Variants in CPNE1 observed in about 807,000 individuals in gnomAD.
CPNE1 encodes the protein copine 1.
In CPNE1, 58 loss-of-function variants were observed where a neutral mutation model predicts 63.2. The ratio of observed to expected loss-of-function variants is 0.92; its 90% CI spans 0.74 to 1.14. The LOEUF is 1.14. Ranked by LOEUF, CPNE1 falls within the 50% of genes most tolerant of loss-of-function variation. The probability of loss-of-function intolerance (pLI) is 0.00; values close to 1 mark genes in which losing one functional copy is unlikely to be tolerated. For synonymous variants in CPNE1, 237 were observed against 249.0 expected, an observed-to-expected ratio of 0.95 and a Z score of 0.45; for missense variants, 672 against 661.7, an observed-to-expected ratio of 1.02 and a Z score of -0.17.
chr20:35,661,122 C>T (rs1033370006), intron 1 of CPNE1, among the ~76,000 whole-genome samples: 9 of 152,206 alleles, frequency 5.9e-5, no homozygotes. Context: ...CCCACCCCAC[C>T]CCATACCAAG....
chr20:35,653,422 T>C lies in CPNE1; in HGVS notation c.-1+11338A>G, dbSNP rs778712727. 66 of 1,613,980 alleles carry C rather than the reference T, an allele frequency of 4.1e-5. No individual in the cohort carries two copies. The highest frequency in any genetic ancestry group is 2.3e-5 in the Non-Finnish European group (27 of 1,180,018). ...AGGCATCTTTAATCCCTTTTTTCCT[T>C]GGGCAGGGGGATTTTTCTCAATCTC... On this transcript the variant is annotated intron_variant, in intron 1 of 15. Transcript: ENST00000397443.
chr20:35,659,094 A>C, intron 1 of CPNE1: 1 of 585,082 alleles, frequency 1.7e-6, no homozygotes, highest in Non-Finnish European at 3.1e-6. Flanking sequence ...GTACATTACG[A>C]AGGCGAGTCT....
intron 1 of CPNE1, among the ~76,000 whole-genome samples, chr20:35,641,951 T>C (rs1361870385): frequency 6.6e-6 from 1 of 152,238 alleles, no homozygotes; most frequent in Non-Finnish European, 1.5e-5. Flanking sequence ...CAGGAAATCG[T>C]TGAAGCAGGT....
chr20:35,662,837 G>A (rs1265879699), intron 1 of CPNE1, among the ~76,000 whole-genome samples: 6 of 152,088 alleles, frequency 3.9e-5, no homozygotes, highest in African/African-American at 9.7e-5. Flanking sequence ...AGCCCAAAGA[G>A]TACTGGTATT....
chr20:35,631,914 C>G, intron 6 of CPNE1, 31 bp downstream of exon 6: 1 of 1,600,608 alleles, frequency 6.2e-7, no homozygotes, highest in Middle Eastern at 1.7e-4. Flanking sequence ...TATCTCCTAC[C>G]CCAGCCCACC....
At position 35,627,388 on chromosome 20, in the gene CPNE1, G is replaced by A. The variant is rs2146274529; in HGVS notation, c.1128C>T (p.Tyr376=). ...CAGIQGIVDA[Y]RQALPQVRLY... ...GGCGAACTTGGGGCAGGGCTTGGCG[G>A]TAGGCATCCACAATGCCCTGGATGC... The change falls in exon 14 of 16, where the codon TAC becomes TAT. Residue 376 remains tyrosine, a synonymous_variant. Transcript: ENST00000397443. The A allele has an allele frequency of 6.2e-7, 1 of 1,614,006 alleles. No individual in the cohort carries two copies. Among genetic ancestry groups the A allele is most frequent in the Non-Finnish European group, 8.5e-7 (1 of 1,179,992 alleles).
At position 35,632,204 on chromosome 20, in the gene CPNE1, C is replaced by T. The variant is rs755743263; in HGVS notation, c.415G>A (p.Val139Ile). ...VSAQELKDNR[V>I]VTMEVEARNL... ...CTGGCCTCTACCTCCATGGTTACTA[C>T]ACGATTGTCCTTTAATTCCTGAGCT... is the stretch of plus-strand genomic sequence containing the variant. Residue 139 changes from valine to isoleucine, a missense_variant, in exon 5 of 16, where the codon GTA becomes ATA. By Grantham distance (29) the Val-to-Ile change is conservative. Coordinates refer to ENST00000397443, the MANE Select transcript of CPNE1 (RefSeq NM_152925.3). The T allele has an allele frequency of 1.9e-6, 3 of 1,614,140 alleles. No individual in the cohort carries two copies. In the South Asian group the frequency reaches 3.3e-5, roughly 18 times the overall value.
intron 1 of CPNE1, among the ~76,000 whole-genome samples, chr20:35,646,233 C>A (rs1346133115): frequency 3.4e-5 from 4 of 117,576 alleles, no homozygotes; most frequent in Non-Finnish European, 6.5e-5. Context: ...CCAGCCTGGG[C>A]AGCAGAGCAA....
At chr20:35,641,244 C>T (rs1343643995) in intron 1 of CPNE1, among the ~76,000 whole-genome samples, 1 of 152,220 alleles carries the variant, frequency 6.6e-6, no homozygotes, top group African/African-American at 2.4e-5. Flanking sequence ...GCTAAGGCCA[C>T]ATATATGGTT....
At chr20:35,647,519 T>C (rs1350880567) in intron 1 of CPNE1, 1 of 152,128 alleles carries the variant, frequency 6.6e-6, no homozygotes, top group South Asian at 2.1e-4. Context: ...CACTCTTTCC[T>C]GCCCTTAGAC....
At chr20:35,633,055 A>G (rs1207984428) in intron 1 of CPNE1, 132 bp from the exon 2 acceptor site, 2 of 684,444 alleles carry the variant, frequency 2.9e-6, no homozygotes, top group Admixed American at 5.6e-5. Context: ...CGTGACACCC[A>G]AGGAAGAGAA....
chr20:35,659,815 G>A (rs1194962059), intron 1 of CPNE1, among the ~76,000 whole-genome samples: 2 of 152,024 alleles, frequency 1.3e-5, no homozygotes, highest in East Asian at 1.9e-4. Flanking sequence ...ATGACCAAAT[G>A]TCTAGACAAC....
chr20:35,657,803 G>C (rs2033987876), intron 1 of CPNE1, among the ~76,000 whole-genome samples: 1 of 152,170 alleles, frequency 6.6e-6, no homozygotes, highest in Non-Finnish European at 1.5e-5. Flanking sequence ...GCTCACACCT[G>C]TAACCCCAGC....
intron 1 of CPNE1, among the ~76,000 whole-genome samples, chr20:35,638,012 A>G (rs1464099989): frequency 6.6e-6 from 1 of 152,238 alleles, no homozygotes; most frequent in Non-Finnish European, 1.5e-5. Flanking sequence ...ATCCTACAGT[A>G]GATACTCATC....
intron 1 of CPNE1, chr20:35,652,535 C>G (rs746733758): frequency 8.1e-6 from 13 of 1,610,202 alleles, no homozygotes. Flanking sequence ...TACCCTAATA[C>G]AAGTTTTACT....
intron 13 of CPNE1, among the ~76,000 whole-genome samples, chr20:35,629,859 A>G (rs2032000286): frequency 6.6e-6 from 1 of 150,482 alleles, no homozygotes; most frequent in African/African-American, 2.4e-5. Context: ...GGGTTTTGCC[A>G]TGTTTCCCAA....
intron 1 of CPNE1, among the ~76,000 whole-genome samples, chr20:35,656,313 C>G (rs1216576314): frequency 6.6e-6 from 1 of 152,194 alleles, no homozygotes; most frequent in Non-Finnish European, 1.5e-5. Context: ...TACAGGATCT[C>G]TGTGATCTCC....
In CPNE1 at chr20:35,631,957, C is replaced by A; in HGVS notation, c.525G>T (p.Val175=). 5 of 1,613,834 alleles carry A rather than the reference C, an allele frequency of 3.1e-6. No homozygotes were observed. Among genetic ancestry groups the A allele is most frequent in the Non-Finnish European group, 4.2e-6 (5 of 1,179,768 alleles). The change falls in exon 6 of 16, where the codon GTG becomes GTT. Residue 175 remains valine (V), a synonymous_variant. Transcript: ENST00000397443. ...FRQGDGKWHL[V]YRSEVIKNNL... ...AGGGGTCTCATACCTCAGATCTGTACACCAGGTGCCATTTCCCATCACCCT... is the reference window on the plus strand; with the variant it reads ...AGGGGTCTCATACCTCAGATCTGTAAACCAGGTGCCATTTCCCATCACCCT...
chr20:35,631,541 T>C lies in CPNE1; in HGVS notation c.665A>G (p.Asp222Gly), dbSNP rs144007734. 5.6e-6 allele frequency: 9 copies of C among 1,613,800 alleles called. No homozygotes were observed. Among genetic ancestry groups the C allele is most frequent in the Non-Finnish European group, 7.6e-6 (9 of 1,179,968 alleles). The change falls in exon 8 of 16, where the codon GAT (aspartate) becomes GGT (glycine). Residue 222 changes from aspartate to glycine, a missense_variant. By Grantham distance (94) the Asp-to-Gly change is moderately conservative. Coordinates refer to ENST00000397443, the MANE Select transcript of CPNE1 (RefSeq NM_152925.3). ...GCTGGTGTGGAAGGTACCGATGAGA[T>C]CATGTGACCCGTCACTGTCATAATC... ...CSDYDSDGSH[D>G]LIGTFHTSLA...
Sources: allele counts gnomAD v4.1 joint callset (sites outside exome capture counted in the v4.1 genomes callset), GRCh38; gene constraint gnomAD v4.1.1; transcripts MANE v1.5; gene names NCBI Gene and HGNC (gene_info 2026-07-23, HGNC 2026-07-21).